ASAP1: variants seen among roughly 807,000 people sequenced by gnomAD.
ASAP1 encodes the protein arf-GAP with SH3 domain, ANK repeat and PH domain-containing protein 1.
In ASAP1, 43 loss-of-function variants were observed where a neutral mutation model predicts 145.2. That is an observed-to-expected ratio of 0.30 (90% CI 0.23 to 0.38). The LOEUF is 0.38. Among genes scored for constraint, ASAP1 ranks in the 10% least tolerant of loss-of-function variants. The probability of loss-of-function intolerance (pLI) is 1.00; values close to 1 mark genes in which losing one functional copy is unlikely to be tolerated. For synonymous variants in ASAP1, 546 were observed against 515.5 expected (o/e 1.06, Z -0.80); for missense variants, 1,018 against 1,355.3 (o/e 0.75, Z 3.91).
intron 2 of ASAP1, among the ~76,000 whole-genome samples, chr8:130,380,061 C>T (rs1384183464): frequency 1.3e-5 from 2 of 152,230 alleles, no homozygotes; most frequent in African/African-American, 4.8e-5. Flanking sequence ...GCCCTCTCCT[C>T]CTACTAAGCA....
intron 3 of ASAP1, among the ~76,000 whole-genome samples, chr8:130,260,364 T>C (rs1819820378): frequency 6.6e-6 from 1 of 152,218 alleles, no homozygotes; most frequent in Non-Finnish European, 1.5e-5. Context: ...TCAGCCTCCA[T>C]GCTAACAATG....
At chr8:130,417,608 T>G in intron 1 of ASAP1, among the ~76,000 whole-genome samples, 1 of 148,166 alleles carries the variant, frequency 6.7e-6, no homozygotes. Context: ...CCACAAGTCC[T>G]GGCTTCAGGG....
At chr8:130,148,349 A>G (rs2097637842) in intron 13 of ASAP1, among the ~76,000 whole-genome samples, 1 of 152,248 alleles carries the variant, frequency 6.6e-6, no homozygotes, top group South Asian at 2.1e-4. Context: ...TATAAAATGC[A>G]GTCTCATTAG....
chr8:130,230,706 C>G (rs999765472), intron 4 of ASAP1, among the ~76,000 whole-genome samples: 26 of 152,098 alleles, frequency 1.7e-4, no homozygotes, highest in African/African-American at 6.0e-4. Context: ...ATTATTTTTA[C>G]TAATCAATTT....
At chr8:130,283,763 C>T (rs967911410) in intron 3 of ASAP1, among the ~76,000 whole-genome samples, 1 of 151,974 alleles carries the variant, frequency 6.6e-6, no homozygotes, top group Non-Finnish European at 1.5e-5. Flanking sequence ...TAATAGGATG[C>T]CTTAAAACCA....
At chr8:130,081,099 G>A (rs1362542250) in intron 25 of ASAP1, among the ~76,000 whole-genome samples, 1 of 152,186 alleles carries the variant, frequency 6.6e-6, no homozygotes, top group Non-Finnish European at 1.5e-5. Flanking sequence ...AACATCAGTT[G>A]CTGTCAATTG....
At chr8:130,093,686 A>G (rs12682258) in intron 24 of ASAP1, among the ~76,000 whole-genome samples, 85 of 131,956 alleles carry the variant, frequency 6.4e-4, no homozygotes, top group African/African-American at 1.6e-3. Context: ...AAAAAAAAAA[A>G]AAAGAAAGCT....
intron 25 of ASAP1, among the ~76,000 whole-genome samples, chr8:130,087,472 AC>A (rs2097496135): frequency 6.6e-6 from 1 of 152,034 alleles, no homozygotes; most frequent in Admixed American, 6.6e-5. Flanking sequence ...GTGAGCTGGG[AC>A]TGCACCACTG....
At chr8:130,166,731 C>T (rs144185950) in intron 11 of ASAP1, among the ~76,000 whole-genome samples, 1 of 152,220 alleles carries the variant, frequency 6.6e-6, no homozygotes, top group Non-Finnish European at 1.5e-5. Flanking sequence ...AATGTTTGAA[C>T]AAATGACATT....
At chr8:130,133,049 T>C (rs2097585510) in intron 15 of ASAP1, among the ~76,000 whole-genome samples, 1 of 151,430 alleles carries the variant, frequency 6.6e-6, no homozygotes, top group Non-Finnish European at 1.5e-5. Flanking sequence ...TCTCCAGAAA[T>C]AAGAGAGGAA....
At chr8:130,289,777 A>AT (rs1821839893) in intron 3 of ASAP1, among the ~76,000 whole-genome samples, 1 of 152,248 alleles carries the variant, frequency 6.6e-6, no homozygotes, top group Non-Finnish European at 1.5e-5. Flanking sequence ...ATACTTTTGT[A>AT]GATTTCAGAA....
At chr8:130,113,824 C>A (rs1193312982) in intron 23 of ASAP1, among the ~76,000 whole-genome samples, 1 of 151,930 alleles carries the variant, frequency 6.6e-6, no homozygotes, top group Non-Finnish European at 1.5e-5. Context: ...CACCCACACC[C>A]AGGCTGGAGT....
In ASAP1 at chr8:130,112,246, T is replaced by C. The variant is rs766198466; in HGVS notation, c.2249A>G (p.Lys750Arg). 10 of 1,614,064 alleles carry C rather than the reference T, an allele frequency of 6.2e-6. No individual in the cohort carries two copies. The East Asian group carries it at 2.2e-4, about 36-fold the overall frequency. Residue 750 changes from lysine to arginine, a missense_variant, in exon 24 of 30, where the codon AAG becomes AGG. Lys to Arg is a conservative substitution (Grantham distance 26). Around this residue, in one of 9 missense-constraint regions of ASAP1, gnomAD observed 353 missense variants for 375.4 expected, o/e 0.94. Transcript: ENST00000518721. ...AGTGCTGAATCCTGGCAGTGCCAGC[T>C]TGTCCTGGGGGGAGATGCTGGAGGA... is the stretch of plus-strand genomic sequence containing the variant. Reference protein sequence around the residue: ...CHSSSISPQDKLALPGFSTPR... With the variant: ...CHSSSISPQDRLALPGFSTPR...
At chr8:130,162,367 G>A (rs1586481827) in intron 11 of ASAP1, among the ~76,000 whole-genome samples, 1 of 152,252 alleles carries the variant, frequency 6.6e-6, no homozygotes, top group East Asian at 1.9e-4. Flanking sequence ...GAAGAAAAAT[G>A]GATTGGGTTG....
chr8:130,214,650 C>T lies in ASAP1; in HGVS notation c.311G>A (p.Ser104Asn), dbSNP rs372166121. The T allele has an allele frequency of 3.1e-6, 5 of 1,609,404 alleles. No individual in the cohort carries two copies. Among genetic ancestry groups the T allele is most frequent in the Non-Finnish European group, 4.2e-6 (5 of 1,177,762 alleles). Residue 104 changes from serine to asparagine, a missense_variant, in exon 5 of 30, where the codon AGT (serine) becomes AAT (asparagine). Coordinates refer to ENST00000518721, the MANE Select transcript of ASAP1 (RefSeq NM_018482.4). ...GGGGTTGTCTCGACTTAAAAAATTA[C>T]TCCCAAACTTATCAAGAACTTGTGC... The part of the protein sequence containing the change: ...NYAQVLDKFG[S>N]NFLSRDNPDL...
intron 16 of ASAP1, among the ~76,000 whole-genome samples, chr8:130,126,807 T>C (rs1249569477): frequency 6.6e-6 from 1 of 152,232 alleles, no homozygotes; most frequent in African/African-American, 2.4e-5. Flanking sequence ...TTATGGCTTC[T>C]TGTGTAGAAA....
intron 3 of ASAP1, among the ~76,000 whole-genome samples, chr8:130,240,380 T>C (rs576862469): frequency 6.6e-6 from 1 of 152,226 alleles, no homozygotes; most frequent in Admixed American, 6.6e-5. Context: ...GCCTCATGTT[T>C]TAGAGAGACA....
chr8:130,380,221 G>C (rs1378641842), intron 2 of ASAP1, among the ~76,000 whole-genome samples: 2 of 152,182 alleles, frequency 1.3e-5, no homozygotes, highest in Admixed American at 1.3e-4. Context: ...GCCAACAATG[G>C]GTGTACTGCA....
intron 3 of ASAP1, among the ~76,000 whole-genome samples, chr8:130,279,745 G>C (rs1306769891): frequency 2.0e-5 from 3 of 152,138 alleles, no homozygotes; most frequent in Non-Finnish European, 4.4e-5. Flanking sequence ...GTAGTTGACA[G>C]AGAAGGAGAA....
Sources: gnomAD v4.1 joint callset for allele counts (sites outside exome capture counted in the v4.1 genomes callset) on GRCh38, gnomAD v4.1.1 for gene constraint, gnomAD v4.1.1 regional missense constraint, MANE v1.5 for transcripts, NCBI Gene and HGNC (gene_info 2026-07-23, HGNC 2026-07-21) for gene names.